Variants in GNA14 observed in about 807,000 individuals in gnomAD.
The protein encoded by GNA14 is guanine nucleotide-binding protein subunit alpha-14.
Under a neutral mutation model 42.0 loss-of-function variants are expected in GNA14, and 50 were observed. That is an observed-to-expected ratio of 1.19 (90% CI 0.95 to 1.51). GNA14 has a LOEUF of 1.51. Ranked by LOEUF, GNA14 falls within the 40% of genes most tolerant of loss-of-function variation. The probability of loss-of-function intolerance (pLI) is 0.00; values close to 1 mark genes in which losing one functional copy is unlikely to be tolerated. For missense variants in GNA14, 473 were observed against 446.2 expected, an observed-to-expected ratio of 1.06 and a Z score of -0.54; for synonymous variants, 173 against 163.1, an observed-to-expected ratio of 1.06 and a Z score of -0.46.
intron 2 of GNA14, among the ~76,000 whole-genome samples, chr9:77,513,394 A>G (rs555785943): frequency 2.0e-5 from 3 of 152,348 alleles, no homozygotes; most frequent in African/African-American, 4.8e-5. Context: ...CTGTATCTCT[A>G]AAGTCAGGGC....
At chr9:77,516,598 C>T (rs1411709407) in intron 2 of GNA14, among the ~76,000 whole-genome samples, 1 of 152,066 alleles carries the variant, frequency 6.6e-6, no homozygotes, top group African/African-American at 2.4e-5. Flanking sequence ...TGGTGGTGTG[C>T]ACCTGTAGTC....
At chr9:77,472,418 T>C (rs901510892) in intron 2 of GNA14, among the ~76,000 whole-genome samples, 6 of 152,082 alleles carry the variant, frequency 3.9e-5, no homozygotes, top group Non-Finnish European at 7.4e-5. Context: ...CTGGAGGTTC[T>C]AGCCAGGACA....
At chr9:77,452,618 T>A (rs1835928753) in intron 2 of GNA14, among the ~76,000 whole-genome samples, 1 of 57,812 alleles carries the variant, frequency 1.7e-5, no homozygotes. Context: ...TATGTGTGTG[T>A]ATGTATATGT....
chr9:77,612,668 A>T (rs1823752619), intron 1 of GNA14, among the ~76,000 whole-genome samples: 1 of 152,130 alleles, frequency 6.6e-6, no homozygotes, highest in South Asian at 2.1e-4. Context: ...TTATTTAAAA[A>T]AAAAAAAAAG....
chr9:77,573,003 T>C lies in GNA14; in HGVS notation c.125-43750A>G, dbSNP rs145172048. On this transcript the variant is annotated intron_variant, in intron 1 of 6. Coordinates refer to ENST00000341700, the MANE Select transcript of GNA14 (RefSeq NM_004297.4). Reference sequence around the variant, plus strand: ...ACTGTCGACGCTAAATATTTAGTGATATTACCTCAGCTAAAATGAGATTAT... The same window carrying C: ...ACTGTCGACGCTAAATATTTAGTGACATTACCTCAGCTAAAATGAGATTAT... Among the ~76,000 whole-genome samples, 63 of 152,358 alleles carry C rather than the reference T, an allele frequency of 4.1e-4. 2 individuals carry two copies. The highest frequency in any genetic ancestry group is 3.4e-3 in the Middle Eastern group (1 of 294).
intron 2 of GNA14, among the ~76,000 whole-genome samples, chr9:77,515,977 A>AAAAAAAAAAAC (rs1280714289): frequency 6.7e-6 from 1 of 148,222 alleles, no homozygotes; most frequent in South Asian, 2.2e-4. Flanking sequence ...AAAAAAAAAA[A>AAAAAAAAAAAC]AAAAAACCCA....
chr9:77,541,407 A>AG (rs1215731099), intron 1 of GNA14, among the ~76,000 whole-genome samples: 1 of 152,066 alleles, frequency 6.6e-6, no homozygotes, highest in Admixed American at 6.6e-5. Flanking sequence ...GTCTGCTGTT[A>AG]GTCAGATAGG....
chr9:77,612,124 T>C (rs970978677), intron 1 of GNA14, among the ~76,000 whole-genome samples: 5 of 152,124 alleles, frequency 3.3e-5, no homozygotes, highest in Non-Finnish European at 7.4e-5. Flanking sequence ...GTTTTACAAA[T>C]AAGGAAATAA....
chr9:77,515,312 G>A (rs1837234855), intron 2 of GNA14, among the ~76,000 whole-genome samples: 1 of 152,196 alleles, frequency 6.6e-6, no homozygotes, highest in Non-Finnish European at 1.5e-5. Context: ...GGCAGGCAAA[G>A]AGGAAAGGGA....
At chr9:77,514,334 T>A (rs551855593) in intron 2 of GNA14, among the ~76,000 whole-genome samples, 38 of 152,220 alleles carry the variant, frequency 2.5e-4, no homozygotes, top group African/African-American at 9.1e-4. Flanking sequence ...CCTAGATGAA[T>A]CTCTCAGATA....
intron 2 of GNA14, among the ~76,000 whole-genome samples, chr9:77,458,907 G>T (rs760611573): frequency 4.7e-5 from 7 of 147,506 alleles, no homozygotes; most frequent in African/African-American, 7.3e-5. Flanking sequence ...AAGCTGGAGG[G>T]GGGGGGGTTG....
chr9:77,521,074 A>G (rs537010352), intron 2 of GNA14, among the ~76,000 whole-genome samples: 4 of 152,342 alleles, frequency 2.6e-5, no homozygotes, highest in Non-Finnish European at 5.9e-5. Context: ...TTTTCACACT[A>G]AAGTAAACAC....
chr9:77,485,611 T>TA (rs1359310331), intron 2 of GNA14, among the ~76,000 whole-genome samples: 2 of 152,172 alleles, frequency 1.3e-5, no homozygotes, highest in Non-Finnish European at 2.9e-5. Flanking sequence ...GCTATAGCCT[T>TA]AAAAAATGCA....
At chr9:77,513,013 A>C (rs1182810029) in intron 2 of GNA14, among the ~76,000 whole-genome samples, 1 of 152,258 alleles carries the variant, frequency 6.6e-6, no homozygotes, top group Non-Finnish European at 1.5e-5. Context: ...TATCCAGTGA[A>C]AGCACTAATC....
intron 1 of GNA14, among the ~76,000 whole-genome samples, chr9:77,641,622 A>G (rs961325389): frequency 2.6e-5 from 4 of 152,206 alleles, no homozygotes; most frequent in South Asian, 2.1e-4. Flanking sequence ...TCAGTGTCGT[A>G]GAAGCAATGA....
At chr9:77,472,788 ATCTC>A (rs34429720) in intron 2 of GNA14, among the ~76,000 whole-genome samples, 55 of 142,074 alleles carry the variant, frequency 3.9e-4, no homozygotes, top group Admixed American at 9.8e-4. Flanking sequence ...ACATGACATG[ATCTC>A]TCTCTCTCTC....
chr9:77,459,770 A>C (rs1564020776), intron 2 of GNA14, among the ~76,000 whole-genome samples: 2 of 152,014 alleles, frequency 1.3e-5, no homozygotes, highest in Non-Finnish European at 2.9e-5. Context: ...TCCTTATTTG[A>C]CCCCAGACTC....
At chr9:77,543,597 C>A (rs886401673) in intron 1 of GNA14, among the ~76,000 whole-genome samples, 1 of 152,204 alleles carries the variant, frequency 6.6e-6, no homozygotes, top group Non-Finnish European at 1.5e-5. Context: ...GGTTAAGCGC[C>A]TCTCGCTGGT....
chr9:77,498,111 C>A (rs192211741), intron 2 of GNA14, among the ~76,000 whole-genome samples: 7 of 152,232 alleles, frequency 4.6e-5, no homozygotes, highest in East Asian at 1.9e-4. Context: ...CAGTGGCTCA[C>A]GCCTGTAATC....
Sources: allele counts gnomAD v4.1 joint callset (sites outside exome capture counted in the v4.1 genomes callset), GRCh38; gene constraint gnomAD v4.1.1; transcripts MANE v1.5; gene names NCBI Gene and HGNC (gene_info 2026-07-23, HGNC 2026-07-21).